TLK1: variants seen among roughly 807,000 people sequenced by gnomAD.
The protein encoded by TLK1 is tousled like kinase 1, also known as serine/threonine-protein kinase tousled-like 1.
In TLK1, 24 loss-of-function variants were observed where a neutral mutation model predicts 105.3. The ratio of observed to expected loss-of-function variants is 0.23; its 90% CI spans 0.17 to 0.32. TLK1 has a LOEUF of 0.32. Among genes scored for constraint, TLK1 ranks in the 10% least tolerant of loss-of-function variants. TLK1 has a pLI of 1.00. For missense variants in TLK1, 558 were observed against 910.5 expected (o/e 0.61, Z 4.98); for synonymous variants, 321 against 310.4 (o/e 1.03, Z -0.36).
intron 1 of TLK1, among the ~76,000 whole-genome samples, chr2:171,221,319 A>G (rs1387790090): frequency 3.3e-5 from 5 of 152,198 alleles, no homozygotes; most frequent in Admixed American, 3.3e-4. Context: ...ATGAAAAAGA[A>G]CTAGATTTGG....
chr2:171,187,236 C>T (rs1317636359), intron 1 of TLK1, among the ~76,000 whole-genome samples: 1 of 151,938 alleles, frequency 6.6e-6, no homozygotes, highest in East Asian at 1.9e-4. Flanking sequence ...CTCTAGGAGT[C>T]TCCCTTGCAT....
chr2:171,226,864 G>C (rs772710771), intron 1 of TLK1, among the ~76,000 whole-genome samples: 1 of 152,114 alleles, frequency 6.6e-6, no homozygotes, highest in Non-Finnish European at 1.5e-5. Flanking sequence ...TGCAGCTTCT[G>C]ATAAGTTAAT....
intron 1 of TLK1, among the ~76,000 whole-genome samples, chr2:171,229,379 C>T (rs1693952263): frequency 6.6e-6 from 1 of 152,194 alleles, no homozygotes; most frequent in Non-Finnish European, 1.5e-5. Flanking sequence ...CCTCCAAGAT[C>T]AGAACTTTTT....
intron 12 of TLK1, among the ~76,000 whole-genome samples, chr2:171,024,469 G>T (rs1685681369): frequency 6.6e-6 from 1 of 152,076 alleles, no homozygotes; most frequent in Non-Finnish European, 1.5e-5. Flanking sequence ...TATCTGTAAT[G>T]AAAATGAAAT....
chr2:171,088,527 A>C (rs1689081671), intron 2 of TLK1, among the ~76,000 whole-genome samples: 3 of 152,248 alleles, frequency 2.0e-5, no homozygotes, highest in South Asian at 4.1e-4. Flanking sequence ...TGGCTTAAAG[A>C]AAACCAAACC....
intron 1 of TLK1, among the ~76,000 whole-genome samples, chr2:171,195,760 C>T (rs1693261300): frequency 6.6e-6 from 1 of 151,888 alleles, no homozygotes; most frequent in South Asian, 2.1e-4. Context: ...AGCTAAAAGG[C>T]ATTGTAGGCC....
intron 11 of TLK1, among the ~76,000 whole-genome samples, chr2:171,038,925 G>A (rs1422255603): frequency 6.6e-6 from 1 of 152,158 alleles, no homozygotes; most frequent in East Asian, 1.9e-4. Context: ...TCTAAGAAAT[G>A]TGCTTAAATC....
chr2:171,081,778 C>G (rs1575582495), intron 3 of TLK1: 1 of 1,079,176 alleles, frequency 9.3e-7, no homozygotes, highest in East Asian at 5.9e-5. Context: ...GGTGCCTGCA[C>G]AGAACTGCAC....
chr2:171,048,718 C>T (rs576426746), intron 10 of TLK1, among the ~76,000 whole-genome samples: 1 of 152,332 alleles, frequency 6.6e-6, no homozygotes, highest in East Asian at 1.9e-4. Flanking sequence ...TTGAATAAAT[C>T]TGCTGAGAGA....
intron 1 of TLK1, among the ~76,000 whole-genome samples, chr2:171,119,844 A>G (rs1374232423): frequency 1.3e-5 from 2 of 152,240 alleles, no homozygotes; most frequent in African/African-American, 4.8e-5. Context: ...ATGCCTGAAT[A>G]TAAGACCTAA....
At chr2:171,108,557 C>T (rs1690032417) in intron 2 of TLK1, among the ~76,000 whole-genome samples, 1 of 151,892 alleles carries the variant, frequency 6.6e-6, no homozygotes, top group Non-Finnish European at 1.5e-5. Context: ...GAGTCGAATG[C>T]TCCTATTGTA....
intron 12 of TLK1, among the ~76,000 whole-genome samples, chr2:171,020,368 C>T (rs1490336212): frequency 1.3e-5 from 2 of 151,612 alleles, no homozygotes; most frequent in Admixed American, 6.6e-5. Flanking sequence ...AGTGAAACCC[C>T]GTCTCTACTA....
intron 12 of TLK1, among the ~76,000 whole-genome samples, chr2:171,017,633 A>G (rs1685271463): frequency 6.6e-6 from 1 of 152,236 alleles, no homozygotes; most frequent in South Asian, 2.1e-4. Flanking sequence ...AGAAAGTAAA[A>G]TATGTATCAG....
At position 171,037,403 on chromosome 2, in the gene TLK1, T is replaced by C. The variant is rs182668712; in HGVS notation, c.1169+8771A>G. Among the ~76,000 whole-genome samples the C allele has an allele frequency of 3.2e-4, 47 of 149,168 alleles. 1 individual carries two copies. Among genetic ancestry groups the C allele is most frequent in the South Asian group, 1.7e-3 (8 of 4,674 alleles). On this transcript the variant is annotated intron_variant, in intron 11 of 20. Coordinates refer to ENST00000431350, the MANE Select transcript of TLK1 (RefSeq NM_012290.5). Reference sequence around the variant, plus strand: ...TTACAGTGAGCCAAGGTCGTGCCATTGTACTCCAGCCTGGGCAACAAGAGT... The same window carrying C: ...TTACAGTGAGCCAAGGTCGTGCCATCGTACTCCAGCCTGGGCAACAAGAGT...
chr2:171,176,018 C>T (rs1447821704), intron 1 of TLK1, among the ~76,000 whole-genome samples: 1 of 152,054 alleles, frequency 6.6e-6, no homozygotes, highest in Non-Finnish European at 1.5e-5. Context: ...CTCACTGCAA[C>T]CTCCACCTCC....
At chr2:171,121,636 G>C (rs1263935736) in intron 1 of TLK1, among the ~76,000 whole-genome samples, 1 of 152,190 alleles carries the variant, frequency 6.6e-6, no homozygotes. Context: ...GTAAACAACA[G>C]ATTGGAAGAA....
chr2:171,047,185 G>A (rs1687003115), intron 10 of TLK1, among the ~76,000 whole-genome samples: 1 of 152,154 alleles, frequency 6.6e-6, no homozygotes, highest in African/African-American at 2.4e-5. Flanking sequence ...TAGATACCAT[G>A]TCTATTATTA....
chr2:171,183,190 A>C (rs1161757308), intron 1 of TLK1, among the ~76,000 whole-genome samples: 1 of 152,220 alleles, frequency 6.6e-6, no homozygotes, highest in Non-Finnish European at 1.5e-5. Context: ...GACATTTAAA[A>C]ATAAAAATGA....
chr2:171,121,265 G>A (rs1332227084), intron 1 of TLK1, among the ~76,000 whole-genome samples: 3 of 151,990 alleles, frequency 2.0e-5, no homozygotes, highest in Non-Finnish European at 4.4e-5. Flanking sequence ...ATGTCGCGGC[G>A]CCTGCCTATA....
Sources: allele counts gnomAD v4.1 joint callset (sites outside exome capture counted in the v4.1 genomes callset), GRCh38; gene constraint gnomAD v4.1.1; transcripts MANE v1.5; gene names NCBI Gene and HGNC (gene_info 2026-07-23, HGNC 2026-07-21).